FABP12: variants seen among roughly 807,000 people sequenced by gnomAD.
FABP12 encodes fatty acid-binding protein 12.
Under a neutral mutation model 13.7 loss-of-function variants are expected in FABP12, and 19 were observed. The observed-to-expected ratio is 1.39, with a 90% CI of 0.97 to 2.04. FABP12 has a LOEUF of 2.04. FABP12 is among the 30% of genes most tolerant of loss of function. The probability of loss-of-function intolerance (pLI) is 0.00; values close to 1 mark genes in which losing one functional copy is unlikely to be tolerated. For synonymous variants in FABP12, 61 were observed against 57.0 expected (o/e 1.07, Z -0.32); for missense variants, 182 against 164.2 (o/e 1.11, Z -0.59).
At chr8:81,581,683 G>T (rs898554981) in intron 1 of FABP12, among the ~76,000 whole-genome samples, 32 of 152,282 alleles carry the variant, frequency 2.1e-4, no homozygotes, top group Admixed American at 1.6e-3. Flanking sequence ...TATTCAAAAT[G>T]CTGAAAGAAA....
At chr8:81,548,647 C>T (rs1809475879) in intron 1 of FABP12, among the ~76,000 whole-genome samples, 1 of 152,182 alleles carries the variant, frequency 6.6e-6, no homozygotes. Context: ...GGTCGGGCCT[C>T]TCTATACTTT....
chr8:81,576,725 A>G (rs1299644968), intron 1 of FABP12, among the ~76,000 whole-genome samples: 1 of 152,214 alleles, frequency 6.6e-6, no homozygotes, highest in Non-Finnish European at 1.5e-5. Flanking sequence ...AACTATCCCC[A>G]AATCTGAGTG....
At chr8:81,579,767 C>T (rs1810125210) in intron 1 of FABP12, among the ~76,000 whole-genome samples, 1 of 152,110 alleles carries the variant, frequency 6.6e-6, no homozygotes, top group Non-Finnish European at 1.5e-5. Context: ...TCTTGAGATG[C>T]TTCTTTGATG....
At position 81,554,842 on chromosome 8, in the gene FABP12, CTAAGAAAGTT is replaced by C. The variant is rs1809582020; in HGVS notation, c.-184-15109_-184-15100del. Among the ~76,000 whole-genome samples, 3 of 152,052 alleles carry C rather than the reference CTAAGAAAGTT, an allele frequency of 2.0e-5. No homozygotes were observed. The South Asian group carries it at 6.2e-4, about 32-fold the overall frequency. ...ACAAACACACAAATCTCATAAGGTT[CTAAGAAAGTT>C]TACGAATTTGTGTTGGGCGGCATTC... is the stretch of plus-strand genomic sequence containing the variant. On this transcript the variant is annotated intron_variant, in intron 1 of 5. Coordinates refer to the FABP12 transcript ENST00000692030.
intron 1 of FABP12, among the ~76,000 whole-genome samples, chr8:81,553,364 T>C (rs376071465): frequency 2.6e-5 from 4 of 152,326 alleles, no homozygotes; most frequent in Non-Finnish European, 1.5e-5. Flanking sequence ...AAATCTTGTT[T>C]TCAACCTAAC....
intron 1 of FABP12, among the ~76,000 whole-genome samples, chr8:81,562,939 G>C (rs574830550): frequency 6.6e-6 from 1 of 152,326 alleles, no homozygotes; most frequent in Non-Finnish European, 1.5e-5. Flanking sequence ...AATGTAAGTG[G>C]TAGTCAGGCA....
At chr8:81,556,772 A>C (rs1229080325) in intron 1 of FABP12, among the ~76,000 whole-genome samples, 2 of 147,772 alleles carry the variant, frequency 1.4e-5, no homozygotes, top group Non-Finnish European at 3.0e-5. Context: ...TTTATATATA[A>C]ATTATTATTT....
intron 1 of FABP12, among the ~76,000 whole-genome samples, chr8:81,545,303 G>C (rs920886405): frequency 6.6e-6 from 1 of 152,188 alleles, no homozygotes; most frequent in Non-Finnish European, 1.5e-5. Context: ...AAACTAAAGG[G>C]AGTCACTGGG....
chr8:81,589,607 A>C (rs1447069417), intron 1 of FABP12, among the ~76,000 whole-genome samples: 1 of 152,216 alleles, frequency 6.6e-6, no homozygotes, highest in African/African-American at 2.4e-5. Context: ...GCCCCTGCTT[A>C]AGCAGACATT....
At chr8:81,561,881 C>G (rs1809729296) in intron 1 of FABP12, among the ~76,000 whole-genome samples, 1 of 152,160 alleles carries the variant, frequency 6.6e-6, no homozygotes, top group African/African-American at 2.4e-5. Flanking sequence ...ATAAGGACTG[C>G]AATTCCCAGG....
At chr8:81,527,778 G>C in intron 3 of FABP12, among the ~76,000 whole-genome samples, 1 of 152,162 alleles carries the variant, frequency 6.6e-6, no homozygotes, top group East Asian at 1.9e-4. Flanking sequence ...GGACAGCACA[G>C]TGAGACCCCC....
intron 1 of FABP12, among the ~76,000 whole-genome samples, chr8:81,557,524 C>A (rs1302923486): frequency 6.6e-6 from 1 of 152,104 alleles, no homozygotes; most frequent in African/African-American, 2.4e-5. Context: ...TTGCCCTGAA[C>A]TAAAGAACTC....
chr8:81,585,614 A>G (rs1810228603), intron 1 of FABP12, among the ~76,000 whole-genome samples: 1 of 152,100 alleles, frequency 6.6e-6, no homozygotes, highest in Non-Finnish European at 1.5e-5. Context: ...TATTTCTGTG[A>G]GAATATCATT....
intron 1 of FABP12, among the ~76,000 whole-genome samples, chr8:81,533,489 C>T (rs1241644976): frequency 6.6e-6 from 1 of 152,158 alleles, no homozygotes; most frequent in Non-Finnish European, 1.5e-5. Context: ...TATATGTTCC[C>T]ATTCCAAGCC....
At chr8:81,542,364 G>C (rs1321134411) in intron 1 of FABP12, among the ~76,000 whole-genome samples, 1 of 152,114 alleles carries the variant, frequency 6.6e-6, no homozygotes, top group African/African-American at 2.4e-5. Context: ...ACTCACCTTG[G>C]GGCATCTTGG....
At chr8:81,566,989 C>T (rs1373939895) in intron 1 of FABP12, among the ~76,000 whole-genome samples, 4 of 152,058 alleles carry the variant, frequency 2.6e-5, no homozygotes. Context: ...CATCAAAAAA[C>T]CAGTAGCATT....
intron 1 of FABP12, among the ~76,000 whole-genome samples, chr8:81,531,600 T>A (rs112084283): frequency 1.3e-5 from 2 of 152,182 alleles, no homozygotes; most frequent in Admixed American, 1.3e-4. Flanking sequence ...GCATCAAAAC[T>A]AAATGTTACT....
chr8:81,587,917 A>T (rs1810266682), intron 1 of FABP12, among the ~76,000 whole-genome samples: 1 of 152,204 alleles, frequency 6.6e-6, no homozygotes, highest in African/African-American at 2.4e-5. Context: ...GGAAGCCGAC[A>T]GTGCAGCCTT....
chr8:81,571,596 G>C (rs1463336819), intron 1 of FABP12, among the ~76,000 whole-genome samples: 1 of 152,184 alleles, frequency 6.6e-6, no homozygotes, highest in Non-Finnish European at 1.5e-5. Context: ...CCTTTTTATA[G>C]ACGAAGAAAC....
Sources: allele counts gnomAD v4.1 joint callset (sites outside exome capture counted in the v4.1 genomes callset), GRCh38; gene constraint gnomAD v4.1.1; transcripts MANE v1.5; gene names NCBI Gene and HGNC (gene_info 2026-07-23, HGNC 2026-07-21).